SIGLEC5: variants seen among roughly 807,000 people sequenced by gnomAD.
SIGLEC5 encodes the protein sialic acid binding Ig like lectin 5, also known as sialic acid-binding Ig-like lectin 5.
In SIGLEC5, 34 loss-of-function variants were observed where a neutral mutation model predicts 45.9. That is an observed-to-expected ratio of 0.74 (90% CI 0.56 to 0.99). SIGLEC5 has a LOEUF of 0.99. Among genes scored for constraint, SIGLEC5 ranks in the 50% least tolerant of loss-of-function variants. The pLI is 0.00. For synonymous variants in SIGLEC5, 203 were observed against 258.6 expected, an observed-to-expected ratio of 0.79 and a Z score of 2.06; for missense variants, 508 against 629.6, an observed-to-expected ratio of 0.81 and a Z score of 2.07.
chr19:51,624,727 G>C (rs927783126), intron 8 of SIGLEC5, among the ~76,000 whole-genome samples: 2 of 152,136 alleles, frequency 1.3e-5, no homozygotes, highest in African/African-American at 4.8e-5. Flanking sequence ...CCAGCACTTT[G>C]GGAGGCTGAG....
intron 4 of SIGLEC5, among the ~76,000 whole-genome samples, chr19:51,628,819 G>GTGTGTGCGTGTGTGTGTGCGTGTGTGCA (rs1213315935): frequency 1.4e-5 from 2 of 146,370 alleles, no homozygotes; most frequent in Non-Finnish European, 3.0e-5. Context: ...ATGCATGTGT[G>GTGTGTGCGTGTGTGTGTGCGTGTGTGCA]TGTGTGCGTG....
chr19:51,627,856 A>C lies in SIGLEC5; in HGVS notation c.975T>G (p.Ile325Met). ...CACAGTAAACTGAGAGATTCAGAAA[A>C]ATTTGCAGGAAGCCCAGCGGGTGCT... ...RAQHPLGFLQIFLNLSVYSLP... is the reference protein window; with the variant it reads ...RAQHPLGFLQMFLNLSVYSLP... Residue 325 changes from isoleucine (I) to methionine (M), a missense_variant, in exon 5 of 9, where the codon ATT (isoleucine) becomes ATG (methionine). Coordinates refer to ENST00000683636, the MANE Select transcript of SIGLEC5 (RefSeq NM_003830.4). The C allele has an allele frequency of 6.2e-7, 1 of 1,607,106 alleles. No homozygotes were observed. Among genetic ancestry groups the C allele is most frequent in the Non-Finnish European group, 8.5e-7 (1 of 1,176,574 alleles).
intron 4 of SIGLEC5, 127 bp from the exon 5 acceptor site, chr19:51,628,218 C>T (rs1392621699): frequency 4.6e-6 from 5 of 1,078,022 alleles, no homozygotes; most frequent in Non-Finnish European, 6.3e-6. Flanking sequence ...GGCTTGATTG[C>T]ATCCTGGTTC....
chr19:51,622,034 A>C (rs998906241), intron 8 of SIGLEC5, among the ~76,000 whole-genome samples: 8 of 152,248 alleles, frequency 5.3e-5, no homozygotes, highest in African/African-American at 1.9e-4. Flanking sequence ...ATTTCTAAAC[A>C]AGTAAATTTT....
chr19:51,623,190 T>C (rs1340862611), intron 8 of SIGLEC5, among the ~76,000 whole-genome samples: 1 of 152,162 alleles, frequency 6.6e-6, no homozygotes, highest in East Asian at 1.9e-4. Flanking sequence ...AAATTAAAAA[T>C]AAAAGCATAA....
In SIGLEC5 at chr19:51,627,905, T is replaced by C. The variant is rs1251205865; in HGVS notation, c.926A>G (p.Glu309Gly). The change falls in exon 5 of 9, where the codon GAA becomes GGA. Residue 309 changes from glutamate to glycine, a missense_variant. Coordinates refer to ENST00000683636, the MANE Select transcript of SIGLEC5 (RefSeq NM_003830.4). ...LELRRVRSAE[E>G]GGFTCRAQHP... is the part of the protein sequence containing the mutation. ...CTGAGCGCGGCAGGTGAAGCCTCCTTCTTCTGCAGACCTTACTCGACGAAG... is the reference window on the plus strand; with the variant it reads ...CTGAGCGCGGCAGGTGAAGCCTCCTCCTTCTGCAGACCTTACTCGACGAAG... The C allele has an allele frequency of 1.2e-6, 2 of 1,613,886 alleles. No homozygotes were observed. The highest frequency in any genetic ancestry group is 2.7e-5 in the African/African-American group (2 of 74,922).
chr19:51,628,126 G>T (rs1399550978), intron 4 of SIGLEC5, 35 bp from the exon 5 acceptor site: 1 of 1,493,508 alleles, frequency 6.7e-7, no homozygotes, highest in South Asian at 1.4e-5. Flanking sequence ...AGAGAGATGG[G>T]GCCAGGGAGG....
intron 7 of SIGLEC5, among the ~76,000 whole-genome samples, chr19:51,626,456 A>G (rs2122634142): frequency 6.6e-6 from 1 of 152,348 alleles, no homozygotes; most frequent in Admixed American, 6.5e-5. Flanking sequence ...TTCCATTTAT[A>G]TAATGGAATA....
At position 51,611,770 on chromosome 19, in the gene SIGLEC5, G is replaced by A. The variant is rs1029748609; in HGVS notation, c.*461C>T. Among the ~76,000 whole-genome samples, 6 of 152,182 alleles carry A rather than the reference G, an allele frequency of 3.9e-5. No individual in the cohort carries two copies. Among genetic ancestry groups the A allele is most frequent in the African/African-American group, 1.4e-4 (6 of 41,444 alleles). The stretch of plus-strand genomic sequence containing the variant: ...GGCTGGTCTTTCCTAGGGAGTCTTC[G>A]AAGAGTTTTGGGAAGGGGAGTGACA... On this transcript the variant is annotated 3_prime_UTR_variant, in exon 9 of 9. Transcript: ENST00000683636.
chr19:51,621,856 A>T (rs1983299519), intron 8 of SIGLEC5, among the ~76,000 whole-genome samples: 1 of 152,230 alleles, frequency 6.6e-6, no homozygotes, highest in Admixed American at 6.5e-5. Context: ...ATGCACTTTT[A>T]AAAAGATAGC....
At chr19:51,626,219 G>GCCC in intron 7 of SIGLEC5, 106 bp from the exon 8 acceptor site, 1 of 846,182 alleles carries the variant, frequency 1.2e-6, no homozygotes, top group Non-Finnish European at 1.9e-6. Context: ...AGCCATCCAG[G>GCCC]CCCCGGAACT....
At chr19:51,622,995 C>T (rs879354540) in intron 8 of SIGLEC5, among the ~76,000 whole-genome samples, 3 of 152,158 alleles carry the variant, frequency 2.0e-5, no homozygotes, top group African/African-American at 2.4e-5. Context: ...ATATGCACAA[C>T]ATTTTCTTTA....
In SIGLEC5 at chr19:51,627,882, G is replaced by A; in HGVS notation, c.949C>T (p.Gln317Ter). 1.2e-6 allele frequency: 2 copies of A among 1,612,982 alleles called. No individual in the cohort carries two copies. Among genetic ancestry groups the A allele is most frequent in the Non-Finnish European group, 1.7e-6 (2 of 1,179,510 alleles). The stretch of plus-strand genomic sequence containing the variant: ...ATTTGCAGGAAGCCCAGCGGGTGCT[G>A]AGCGCGGCAGGTGAAGCCTCCTTCT... ...AEEGGFTCRA[Q>*]HPLGFLQIFL... Residue 317 changes from glutamine to a stop codon, truncating the protein, a stop_gained, in exon 5 of 9, where the codon CAG (glutamine) becomes TAG (stop). Coordinates refer to ENST00000683636, the MANE Select transcript of SIGLEC5 (RefSeq NM_003830.4). LOFTEE classifies it high-confidence loss of function.
Position 51,629,355 on chromosome 19 carries a change from C to T in SIGLEC5, c.700+3G>A, listed in dbSNP as rs763769212. ...ACTCAGCTGTGTCCCCAGCACCACT[C>T]ACAGGAGACATTGAGCTGGACAGTT... is the stretch of plus-strand genomic sequence containing the variant. On this transcript the variant is annotated splice_donor_region_variant and intron_variant, in intron 3 of 8. Transcript: ENST00000683636. The T allele has an allele frequency of 6.2e-7, 1 of 1,614,020 alleles. No homozygotes were observed. Among genetic ancestry groups the T allele is most frequent in the East Asian group, 2.2e-5 (1 of 44,880 alleles).
intron 8 of SIGLEC5, among the ~76,000 whole-genome samples, chr19:51,612,991 C>T (rs974846057): frequency 6.6e-6 from 1 of 152,152 alleles, no homozygotes; most frequent in African/African-American, 2.4e-5. Flanking sequence ...CTCTCTGGGA[C>T]CTGTGAGTAA....
Position 51,629,220 on chromosome 19 carries a change from A to T in SIGLEC5, c.700+138T>A. On this transcript the variant is annotated intron_variant, in intron 3 of 8. Coordinates refer to ENST00000683636, the MANE Select transcript of SIGLEC5 (RefSeq NM_003830.4). ...ACTCCCCGCAGATCCCAAGGCTTAG[A>T]TCCACACACAAGGTTTCTCAAGTTA... The T allele has an allele frequency of 5.2e-6, 8 of 1,542,608 alleles. No individual in the cohort carries two copies. In the South Asian group the frequency reaches 8.4e-5, roughly 16 times the overall value.
intron 8 of SIGLEC5, among the ~76,000 whole-genome samples, chr19:51,620,174 A>C (rs539739245): frequency 6.6e-6 from 1 of 152,240 alleles, no homozygotes; most frequent in Admixed American, 6.5e-5. Context: ...CACCAGGCCC[A>C]GGTAGTTTGA....
chr19:51,626,201 G>T, intron 7 of SIGLEC5, 88 bp from the exon 8 acceptor site: 1 of 1,066,056 alleles, frequency 9.4e-7, no homozygotes, highest in South Asian at 1.3e-5. Context: ...TGGTGAAAAT[G>T]ACAATGAAGC....
intron 8 of SIGLEC5, among the ~76,000 whole-genome samples, chr19:51,613,404 T>C (rs938383268): frequency 1.3e-5 from 2 of 152,168 alleles, no homozygotes; most frequent in African/African-American, 2.4e-5. Context: ...GTTGGGCTGA[T>C]GTGACATTTA....
Sources: allele counts gnomAD v4.1 joint callset (sites outside exome capture counted in the v4.1 genomes callset), GRCh38; gene constraint gnomAD v4.1.1; transcripts MANE v1.5; gene names NCBI Gene and HGNC (gene_info 2026-07-23, HGNC 2026-07-21).